The following SAMD5 variants were observed in gnomAD, a reference collection of about 807,000 sequenced individuals.
SAMD5 encodes the protein sterile alpha motif domain-containing protein 5.
Under a neutral mutation model 11.3 loss-of-function variants are expected in SAMD5, and 13 were observed. That is an observed-to-expected ratio of 1.15 (90% CI 0.75 to 1.83). SAMD5 has a LOEUF of 1.83. Ranked by LOEUF, SAMD5 falls within the 40% of genes most tolerant of loss-of-function variation. The pLI is 0.00. For synonymous variants in SAMD5, 129 were observed against 111.3 expected (o/e 1.16, Z -1.00); for missense variants, 255 against 239.1 (o/e 1.07, Z -0.44).
intron 1 of SAMD5, among the ~76,000 whole-genome samples, chr6:147,708,561 T>A (rs1294246829): frequency 6.6e-6 from 1 of 152,188 alleles, no homozygotes; most frequent in Non-Finnish European, 1.5e-5. Flanking sequence ...GATAAAATGA[T>A]CAGAGCTAGA....
chr6:147,570,010 G>GTTT lies in SAMD5; in HGVS notation c.*5554_*5555insTTT, dbSNP rs1399524348. ...TGTCCGCTCTTCAATAAATGTTACG[G>GTTT]CTTTCACAGCGGTTCCGCCTTGGCC... On this transcript the variant is annotated 3_prime_UTR_variant, in exon 2 of 2. Coordinates refer to ENST00000367474, the MANE Select transcript of SAMD5 (RefSeq NM_001030060.3). The GTTT allele has an allele frequency of 5.3e-4, 523 of 985,186 alleles. No individual in the cohort carries two copies. The highest frequency in any genetic ancestry group is 6.1e-4 in the Non-Finnish European group (510 of 829,866). The allele number at this position is 985,186 out of a possible 1,614,324, so 61.0% of individuals were successfully genotyped here. A position where few individuals can be genotyped will look rare whatever the true frequency, so the allele number is the denominator to read the frequency against.
chr6:147,758,600 G>A, the SAMD5 span, among the ~76,000 whole-genome samples: 23 of 152,186 alleles, frequency 1.5e-4, no homozygotes, highest in Non-Finnish European at 1.3e-4. Flanking sequence ...TCTTGCCACT[G>A]GCTTTCTAAT....
At chr6:147,556,609 A>G (rs952256074) in intron 1 of SAMD5, among the ~76,000 whole-genome samples, 6 of 152,244 alleles carry the variant, frequency 3.9e-5, no homozygotes, top group African/African-American at 1.4e-4. Flanking sequence ...AGCTGTCATG[A>G]AATTACAAAA....
the SAMD5 span, among the ~76,000 whole-genome samples, chr6:147,778,595 G>C: frequency 6.6e-6 from 1 of 152,032 alleles, no homozygotes; most frequent in African/African-American, 2.4e-5. Flanking sequence ...ACATACACCA[G>C]CAAATTAAGT....
chr6:147,912,152 T>A, the SAMD5 span, among the ~76,000 whole-genome samples: 1 of 151,938 alleles, frequency 6.6e-6, no homozygotes, highest in African/African-American at 2.4e-5. Flanking sequence ...ATGCTGAATG[T>A]TTATAATTAA....
At chr6:147,817,742 T>C in the SAMD5 span, among the ~76,000 whole-genome samples, 4 of 152,218 alleles carry the variant, frequency 2.6e-5, no homozygotes, top group African/African-American at 7.2e-5. Flanking sequence ...ATCCACACTC[T>C]TGGTTCTCAG....
At chr6:147,775,200 C>T in the SAMD5 span, among the ~76,000 whole-genome samples, 10 of 151,924 alleles carry the variant, frequency 6.6e-5, no homozygotes, top group African/African-American at 2.2e-4. Context: ...GTGTAGATCA[C>T]AGACTGGAGT....
At chr6:147,804,181 C>T in the SAMD5 span, among the ~76,000 whole-genome samples, 3 of 150,330 alleles carry the variant, frequency 2.0e-5, no homozygotes, top group Admixed American at 6.6e-5. Context: ...CATCTCGGCT[C>T]GCTGCAACTT....
the SAMD5 span, among the ~76,000 whole-genome samples, chr6:147,877,891 A>AGCTAGCTAGC: frequency 2.2e-5 from 2 of 90,266 alleles, no homozygotes; most frequent in Non-Finnish European, 5.0e-5. Flanking sequence ...CGATAGATAG[A>AGCTAGCTAGC]TAGCTAGATA....
At chr6:147,627,855 A>G (rs1353156815) in intron 1 of SAMD5, among the ~76,000 whole-genome samples, 1 of 152,198 alleles carries the variant, frequency 6.6e-6, no homozygotes, top group Non-Finnish European at 1.5e-5. Context: ...AGTTTTAAAA[A>G]TACTATTTAC....
At chr6:147,918,242 G>C in the SAMD5 span, among the ~76,000 whole-genome samples, 1 of 152,088 alleles carries the variant, frequency 6.6e-6, no homozygotes, top group African/African-American at 2.4e-5. Context: ...ATTTCATTGA[G>C]CAGTGGTTTG....
the SAMD5 span, among the ~76,000 whole-genome samples, chr6:147,774,795 G>T: frequency 6.6e-6 from 1 of 151,848 alleles, no homozygotes; most frequent in African/African-American, 2.4e-5. Context: ...GGTTGTGGAG[G>T]GCTGACTATA....
chr6:147,678,031 G>A (rs919033133), intron 1 of SAMD5, among the ~76,000 whole-genome samples: 2 of 152,138 alleles, frequency 1.3e-5, no homozygotes, highest in Admixed American at 6.5e-5. Context: ...CTCCACTGAG[G>A]GGTGGAGGTG....
chr6:147,776,501 TC>T, the SAMD5 span, among the ~76,000 whole-genome samples: 1 of 152,210 alleles, frequency 6.6e-6, no homozygotes, highest in Non-Finnish European at 1.5e-5. Flanking sequence ...AATGATGGTT[TC>T]AAAAATAGGC....
At chr6:147,769,823 A>C in the SAMD5 span, among the ~76,000 whole-genome samples, 2 of 152,206 alleles carry the variant, frequency 1.3e-5, no homozygotes, top group Non-Finnish European at 1.5e-5. Context: ...GTCTCAAGAA[A>C]TGGAAATTAC....
chr6:147,906,755 C>G, the SAMD5 span, among the ~76,000 whole-genome samples: 53 of 152,260 alleles, frequency 3.5e-4, no homozygotes, highest in Non-Finnish European at 6.5e-4. Context: ...ATGCACACTT[C>G]CAGAAAAGTC....
Position 147,568,462 on chromosome 6 carries a change from T to C in SAMD5, c.*4006T>C. The C allele has an allele frequency of 1.0e-6, 1 of 985,390 alleles. No homozygotes were observed. Among genetic ancestry groups the C allele is most frequent in the Non-Finnish European group, 1.2e-6 (1 of 829,900 alleles). 61.0% of individuals were successfully genotyped at this position (985,390 alleles called of 1,614,324 possible). A position where few individuals can be genotyped will look rare whatever the true frequency, so the allele number is the denominator to read the frequency against. ...AAAATAGGTTTAGGCAGGTGGAAGT[T>C]CTGAATTTCAAGGCAAATAAGGCAT... is the stretch of plus-strand genomic sequence containing the variant. On this transcript the variant is annotated 3_prime_UTR_variant, in exon 2 of 2. Transcript: ENST00000367474.
chr6:147,941,545 A>G, the SAMD5 span, among the ~76,000 whole-genome samples: 34,978 of 149,466 alleles, frequency 0.23, 4,576 homozygotes, highest in African/African-American at 0.35. Flanking sequence ...ACTGAAATAG[A>G]ATATGTTTTT....
At chr6:147,615,616 G>A (rs748875584) in intron 1 of SAMD5, among the ~76,000 whole-genome samples, 37 of 152,066 alleles carry the variant, frequency 2.4e-4, no homozygotes, top group Admixed American at 5.9e-4. Context: ...TCATGGTTGC[G>A]AACTCATTTA....
Sources: allele counts gnomAD v4.1 joint callset (sites outside exome capture counted in the v4.1 genomes callset), GRCh38; gene constraint gnomAD v4.1.1; transcripts MANE v1.5; gene names NCBI Gene and HGNC (gene_info 2026-07-23, HGNC 2026-07-21).